The following GMDS variants were observed in gnomAD, a reference collection of about 807,000 sequenced individuals.
GMDS encodes GDP-mannose 4,6-dehydratase.
A neutral mutation model predicts 49.9 loss-of-function variants in GMDS; 20 were observed. That is an observed-to-expected ratio of 0.40 (90% CI 0.28 to 0.58). GMDS has a LOEUF of 0.58. GMDS is among the 20% of genes least tolerant of loss of function. The pLI, the probability that GMDS is intolerant of heterozygous loss-of-function variation, is 0.42. For synonymous variants in GMDS, 177 were observed against 178.6 expected (o/e 0.99, Z 0.07); for missense variants, 362 against 481.4 (o/e 0.75, Z 2.32).
At chr6:1,788,690 T>C (rs1008149316) in intron 7 of GMDS, among the ~76,000 whole-genome samples, 2 of 152,234 alleles carry the variant, frequency 1.3e-5, no homozygotes, top group Admixed American at 1.3e-4. Context: ...GTTTCTCAAA[T>C]GCTGGAATTT....
intron 7 of GMDS, among the ~76,000 whole-genome samples, chr6:1,924,780 G>A (rs986344067): frequency 6.6e-6 from 1 of 152,152 alleles, no homozygotes; most frequent in African/African-American, 2.4e-5. Context: ...TGAAAATGGC[G>A]CATTGCCACT....
At chr6:2,066,306 C>G (rs1224321163) in intron 4 of GMDS, among the ~76,000 whole-genome samples, 2 of 146,884 alleles carry the variant, frequency 1.4e-5, no homozygotes, top group Non-Finnish European at 3.0e-5. Flanking sequence ...CCAGCCACTG[C>G]AAAATCATGC....
intron 8 of GMDS, among the ~76,000 whole-genome samples, chr6:1,736,075 G>A (rs1275509153): frequency 4.6e-5 from 7 of 152,106 alleles, no homozygotes; most frequent in Admixed American, 6.5e-5. Flanking sequence ...AAATGGGCCC[G>A]CGACCTGGTG....
At chr6:1,912,965 A>C (rs1030100485) in intron 7 of GMDS, among the ~76,000 whole-genome samples, 2 of 152,242 alleles carry the variant, frequency 1.3e-5, no homozygotes, top group African/African-American at 2.4e-5. Flanking sequence ...CCTCTGCCAC[A>C]CAAACTATAA....
At chr6:1,813,085 G>A (rs773397885) in intron 7 of GMDS, among the ~76,000 whole-genome samples, 16 of 151,804 alleles carry the variant, frequency 1.1e-4, no homozygotes, top group Non-Finnish European at 1.9e-4. Context: ...AGCTGGGTCT[G>A]GTGGTGTATG....
chr6:1,749,465 C>A (rs1390298943), intron 7 of GMDS, among the ~76,000 whole-genome samples: 1 of 151,992 alleles, frequency 6.6e-6, no homozygotes, highest in Non-Finnish European at 1.5e-5. Context: ...GGGGCGGGGG[C>A]ACCTGTAATC....
chr6:1,782,425 C>T (rs1289142735), intron 7 of GMDS, among the ~76,000 whole-genome samples: 1 of 152,262 alleles, frequency 6.6e-6, no homozygotes, highest in East Asian at 1.9e-4. Flanking sequence ...CATCAGAGGC[C>T]ACAAGAAGCT....
intron 4 of GMDS, among the ~76,000 whole-genome samples, chr6:2,074,903 T>C (rs944800036): frequency 6.6e-6 from 1 of 152,174 alleles, no homozygotes; most frequent in Non-Finnish European, 1.5e-5. Context: ...GAAGAGGGTG[T>C]ACTTTCCCTA....
chr6:1,624,595 C>A, intron 9 of GMDS, 55 bp from the exon 10 acceptor site: 2 of 1,271,224 alleles, frequency 1.6e-6, no homozygotes, highest in South Asian at 1.2e-5. Flanking sequence ...GTGGGGGCAG[C>A]AGGTCCCGAG....
intron 1 of GMDS, among the ~76,000 whole-genome samples, chr6:2,186,786 T>TTC (rs1041808568): frequency 2.0e-5 from 3 of 152,262 alleles, no homozygotes; most frequent in African/African-American, 7.2e-5. Context: ...TATGTACTAA[T>TTC]TCTCTCACTG....
chr6:1,918,872 T>C (rs976128783), intron 7 of GMDS, among the ~76,000 whole-genome samples: 9 of 152,220 alleles, frequency 5.9e-5, no homozygotes, highest in African/African-American at 2.2e-4. Context: ...TCCTTTCATT[T>C]ATGATCTGCA....
At chr6:1,914,899 C>T (rs1183525018) in intron 7 of GMDS, among the ~76,000 whole-genome samples, 1 of 152,232 alleles carries the variant, frequency 6.6e-6, no homozygotes, top group African/African-American at 2.4e-5. Context: ...CACAGGCCCC[C>T]CTCCTGCTTA....
rs147987469 is a variant in GMDS at position 1,996,265 on chromosome 6, C to T, written c.346-35299G>A. On this transcript the variant is annotated intron_variant, in intron 4 of 10. Transcript: ENST00000380815. ...GCTTCAAGCACAGCCAACAACACCA[C>T]AGCTTACAGTGTCCAGCTGCTGGGG... Among the ~76,000 whole-genome samples the T allele has an allele frequency of 5.4e-3, 820 of 152,266 alleles. 8 individuals carry two copies. The highest frequency in any genetic ancestry group is 0.037 in the Middle Eastern group (11 of 294).
intron 9 of GMDS, among the ~76,000 whole-genome samples, chr6:1,645,482 G>A (rs774705446): frequency 9.2e-5 from 14 of 152,158 alleles, no homozygotes; most frequent in East Asian, 1.9e-4. Context: ...TCGAGTGCCC[G>A]GGGACGCTCA....
intron 9 of GMDS, among the ~76,000 whole-genome samples, chr6:1,639,859 T>C (rs574871861): frequency 9.9e-5 from 15 of 152,268 alleles, no homozygotes; most frequent in African/African-American, 2.6e-4. Context: ...GCCTGGGTGA[T>C]AGAGCCAGAC....
intron 9 of GMDS, among the ~76,000 whole-genome samples, chr6:1,700,357 C>T (rs1034682423): frequency 1.3e-5 from 2 of 152,060 alleles, no homozygotes; most frequent in Non-Finnish European, 2.9e-5. Context: ...CATATAGTCA[C>T]AAAATCATCA....
At chr6:2,203,028 T>C (rs1274631670) in intron 1 of GMDS, among the ~76,000 whole-genome samples, 1 of 152,216 alleles carries the variant, frequency 6.6e-6, no homozygotes, top group Non-Finnish European at 1.5e-5. Flanking sequence ...AGAACCGTTC[T>C]TGGTGTGTCT....
intron 7 of GMDS, among the ~76,000 whole-genome samples, chr6:1,903,374 A>T (rs1466233066): frequency 6.6e-6 from 1 of 152,218 alleles, no homozygotes; most frequent in Non-Finnish European, 1.5e-5. Flanking sequence ...TTCAATCGGA[A>T]TTTAATTAGG....
chr6:1,949,863 CCT>C (rs1295251204), intron 6 of GMDS, among the ~76,000 whole-genome samples: 1 of 152,122 alleles, frequency 6.6e-6, no homozygotes. Context: ...TACTTCATCC[CCT>C]GATTTCACAA....
Sources: allele counts gnomAD v4.1 joint callset (sites outside exome capture counted in the v4.1 genomes callset), GRCh38; gene constraint gnomAD v4.1.1; transcripts MANE v1.5; gene names NCBI Gene and HGNC (gene_info 2026-07-23, HGNC 2026-07-21).